Variants in DGKB observed in about 807,000 individuals in gnomAD.
DGKB encodes diacylglycerol kinase beta.
In DGKB, 67 loss-of-function variants were observed where a neutral mutation model predicts 114.3. The observed-to-expected ratio is 0.59, with a 90% CI of 0.48 to 0.72. The LOEUF (loss-of-function observed/expected upper bound fraction) is 0.72. DGKB is among the 30% of genes least tolerant of loss of function. DGKB has a pLI of 0.00. For synonymous variants in DGKB, 398 were observed against 323.1 expected, an observed-to-expected ratio of 1.23 and a Z score of -2.49; for missense variants, 907 against 975.2, an observed-to-expected ratio of 0.93 and a Z score of 0.93.
At chr7:14,759,618 C>T (rs1007458376) in intron 2 of DGKB, among the ~76,000 whole-genome samples, 4 of 152,064 alleles carry the variant, frequency 2.6e-5, no homozygotes, top group African/African-American at 9.7e-5. Flanking sequence ...AATAATATTC[C>T]ATTATAATGA....
chr7:14,939,051 C>A (rs935686587), intron 1 of DGKB, among the ~76,000 whole-genome samples: 7 of 147,776 alleles, frequency 4.7e-5, no homozygotes, highest in African/African-American at 1.7e-4. Flanking sequence ...GACCATAAGC[C>A]TTTCTCTATT....
At chr7:14,225,945 C>T (rs916607190) in intron 23 of DGKB, among the ~76,000 whole-genome samples, 8 of 151,928 alleles carry the variant, frequency 5.3e-5, no homozygotes, top group African/African-American at 1.9e-4. Context: ...ATATTACTGT[C>T]CTCTATGCTT....
chr7:14,519,894 T>C (rs571996187), intron 20 of DGKB, among the ~76,000 whole-genome samples: 1 of 152,114 alleles, frequency 6.6e-6, no homozygotes, highest in African/African-American at 2.4e-5. Flanking sequence ...CTTTTTAAAT[T>C]GGATTGTTTC....
At chr7:14,338,986 C>G (rs888988147) in intron 22 of DGKB, among the ~76,000 whole-genome samples, 2 of 151,896 alleles carry the variant, frequency 1.3e-5, no homozygotes, top group African/African-American at 4.8e-5. Context: ...GGGAGAGACT[C>G]GTTAGCATCT....
chr7:14,820,849 C>T (rs1844828385), intron 2 of DGKB, among the ~76,000 whole-genome samples: 1 of 152,058 alleles, frequency 6.6e-6, no homozygotes, highest in South Asian at 2.1e-4. Context: ...CACAATGTGG[C>T]TCGGTAATTA....
chr7:14,900,895 T>C (rs1468618154), intron 1 of DGKB, among the ~76,000 whole-genome samples: 1 of 152,200 alleles, frequency 6.6e-6, no homozygotes, highest in Non-Finnish European at 1.5e-5. Flanking sequence ...GTAATAATAG[T>C]TGACTCTAGA....
chr7:14,601,071 G>C (rs1803457045), intron 17 of DGKB, among the ~76,000 whole-genome samples: 2 of 152,196 alleles, frequency 1.3e-5, no homozygotes, highest in Admixed American at 6.5e-5. Flanking sequence ...TCTAGGCAGA[G>C]GTAGGCATGC....
At chr7:14,247,221 G>T (rs1794613523) in intron 23 of DGKB, among the ~76,000 whole-genome samples, 2 of 151,320 alleles carry the variant, frequency 1.3e-5, no homozygotes, top group African/African-American at 4.8e-5. Flanking sequence ...GTGTGTTAAT[G>T]TGTGCATGTA....
intron 20 of DGKB, among the ~76,000 whole-genome samples, chr7:14,492,718 T>C (rs1029423418): frequency 6.6e-6 from 1 of 151,994 alleles, no homozygotes; most frequent in Non-Finnish European, 1.5e-5. Flanking sequence ...CAAACACCTC[T>C]AAAAATAAAA....
At position 14,145,235 on chromosome 7, in the gene DGKB, G is replaced by A. The variant is rs1304206134; in HGVS notation, c.*3896C>T. 6.6e-6 allele frequency: 1 copy of A among 151,956 alleles called. No individual in the cohort carries two copies. The highest frequency in any genetic ancestry group is 1.5e-5 in the Non-Finnish European group (1 of 68,008). 9.4% of individuals were successfully genotyped at this position (151,956 alleles called of 1,614,324 possible). ...AATTTAATTGGGAGTTTTAAGTGGT[G>A]ATTTCTGCCTCTCACAAAATAAAAG... On this transcript the variant is annotated 3_prime_UTR_variant, in exon 26 of 26. Transcript: ENST00000402815.
intron 20 of DGKB, among the ~76,000 whole-genome samples, chr7:14,515,035 C>G (rs1788566528): frequency 6.6e-6 from 1 of 151,990 alleles, no homozygotes; most frequent in East Asian, 1.9e-4. Flanking sequence ...AAAACAAAAA[C>G]AAATAACAAA....
At chr7:14,631,448 T>C (rs937535837) in intron 13 of DGKB, among the ~76,000 whole-genome samples, 1 of 151,956 alleles carries the variant, frequency 6.6e-6, no homozygotes, top group Non-Finnish European at 1.5e-5. Context: ...TACAGCTCTA[T>C]TTGGAAGATA....
chr7:14,747,911 G>A (rs1279324334), intron 4 of DGKB, among the ~76,000 whole-genome samples: 1 of 152,120 alleles, frequency 6.6e-6, no homozygotes, highest in East Asian at 1.9e-4. Context: ...TGAGGGAGCT[G>A]CTCAGATGTC....
At chr7:14,192,367 A>G (rs572581742) in intron 23 of DGKB, among the ~76,000 whole-genome samples, 1 of 152,332 alleles carries the variant, frequency 6.6e-6, no homozygotes, top group African/African-American at 2.4e-5. Context: ...TACCATAGCT[A>G]CAAAAAAACT....
At chr7:14,313,616 G>A (rs955554492) in intron 23 of DGKB, among the ~76,000 whole-genome samples, 3 of 152,194 alleles carry the variant, frequency 2.0e-5, no homozygotes, top group African/African-American at 7.2e-5. Flanking sequence ...ATCCGCACCT[G>A]GCTCGGAGGG....
chr7:14,604,716 G>C (rs1804164221), intron 17 of DGKB, among the ~76,000 whole-genome samples: 1 of 152,052 alleles, frequency 6.6e-6, no homozygotes, highest in Admixed American at 6.6e-5. Context: ...GCATGATCAG[G>C]GGCAATACAG....
intron 1 of DGKB, among the ~76,000 whole-genome samples, chr7:14,931,346 G>A (rs1291548411): frequency 6.6e-5 from 10 of 152,092 alleles, no homozygotes; most frequent in Admixed American, 2.0e-4. Context: ...TCCTGACCTC[G>A]TGATCCACCT....
intron 21 of DGKB, among the ~76,000 whole-genome samples, chr7:14,426,888 C>T (rs1827650717): frequency 8.4e-6 from 1 of 118,618 alleles, no homozygotes; most frequent in African/African-American, 2.9e-5. Context: ...AACCCCATCT[C>T]TACTAAAAAA....
chr7:14,753,104 T>C (rs1303025409), intron 4 of DGKB, among the ~76,000 whole-genome samples: 2 of 152,208 alleles, frequency 1.3e-5, no homozygotes, highest in Non-Finnish European at 2.9e-5. Flanking sequence ...TCTGATGTTA[T>C]AATTGTACTT....
Sources: allele counts gnomAD v4.1 joint callset (sites outside exome capture counted in the v4.1 genomes callset), GRCh38; gene constraint gnomAD v4.1.1; transcripts MANE v1.5; gene names NCBI Gene and HGNC (gene_info 2026-07-23, HGNC 2026-07-21).